Variants in SEMA3A observed in about 807,000 individuals in gnomAD.
SEMA3A encodes the protein semaphorin 3A, also known as semaphorin-3A.
Under a neutral mutation model 97.9 loss-of-function variants are expected in SEMA3A, and 29 were observed. The ratio of observed to expected loss-of-function variants is 0.30; its 90% CI spans 0.22 to 0.40. The LOEUF is 0.40. SEMA3A is among the 10% of genes least tolerant of loss of function. SEMA3A has a pLI of 1.00. For missense variants in SEMA3A, 763 were observed against 951.3 expected (o/e 0.80, Z 2.60); for synonymous variants, 321 against 323.7 (o/e 0.99, Z 0.09).
upstream of SEMA3A, among the ~76,000 whole-genome samples, chr7:84,200,047 T>C (rs192647818): frequency 1.7e-4 from 26 of 151,988 alleles, no homozygotes; most frequent in African/African-American, 6.3e-4. Flanking sequence ...AACTCTTCCC[T>C]CTCCCTTTGA....
chr7:84,462,624 T>C (rs1281009273), intron 1 of SEMA3A, among the ~76,000 whole-genome samples: 4 of 152,154 alleles, frequency 2.6e-5, no homozygotes, highest in Non-Finnish European at 4.4e-5. Context: ...TAGAGCTTTA[T>C]TTTGAGTGGA....
At chr7:84,011,568 A>G (rs1389375126) in intron 7 of SEMA3A, among the ~76,000 whole-genome samples, 1 of 152,138 alleles carries the variant, frequency 6.6e-6, no homozygotes, top group Non-Finnish European at 1.5e-5. Flanking sequence ...AAGTCAATTC[A>G]TGTTCATCTA....
At chr7:84,161,190 C>G (rs1797023200) in intron 1 of SEMA3A, among the ~76,000 whole-genome samples, 1 of 151,796 alleles carries the variant, frequency 6.6e-6, no homozygotes, top group South Asian at 2.1e-4. Flanking sequence ...ACGGTGAAAC[C>G]CTGTCTCTAC....
At chr7:84,379,480 A>G (rs541854088) in intron 1 of SEMA3A, among the ~76,000 whole-genome samples, 1 of 152,194 alleles carries the variant, frequency 6.6e-6, no homozygotes, top group African/African-American at 2.4e-5. Flanking sequence ...ATTCAAGAGT[A>G]AAATTCCAAA....
chr7:84,038,952 T>C (rs991654425), intron 6 of SEMA3A, among the ~76,000 whole-genome samples: 4 of 152,124 alleles, frequency 2.6e-5, no homozygotes, highest in Admixed American at 2.0e-4. Flanking sequence ...ATATTACATA[T>C]TCCTGATGTA....
chr7:84,193,331 G>T (rs1214446439), intron 1 of SEMA3A, among the ~76,000 whole-genome samples: 4 of 152,052 alleles, frequency 2.6e-5, no homozygotes, highest in Middle Eastern at 3.4e-3. Flanking sequence ...GAGAATTAAA[G>T]AATATGTTTT....
chr7:84,072,788 G>A (rs1793791745), intron 4 of SEMA3A, among the ~76,000 whole-genome samples: 2 of 152,016 alleles, frequency 1.3e-5, no homozygotes, highest in Admixed American at 1.3e-4. Flanking sequence ...TTATTTGTTA[G>A]CTATTTTCAT....
chr7:84,030,385 T>C (rs2116462268), intron 6 of SEMA3A, among the ~76,000 whole-genome samples: 1 of 152,300 alleles, frequency 6.6e-6, no homozygotes, highest in South Asian at 2.1e-4. Context: ...TTTTAGACAG[T>C]ATGCTTACTC....
At chr7:84,131,979 T>G (rs1435703936) in intron 2 of SEMA3A, among the ~76,000 whole-genome samples, 2 of 152,028 alleles carry the variant, frequency 1.3e-5, no homozygotes, top group East Asian at 3.9e-4. Context: ...ATTTATTTAT[T>G]TATGTATTTA....
intron 1 of SEMA3A, among the ~76,000 whole-genome samples, chr7:84,459,161 T>C (rs1408517329): frequency 2.6e-5 from 4 of 152,172 alleles, no homozygotes; most frequent in African/African-American, 9.7e-5. Flanking sequence ...CTTACTGTCA[T>C]GTTGCAGAGA....
intron 3 of SEMA3A, among the ~76,000 whole-genome samples, chr7:84,304,255 A>T (rs1305849287): frequency 6.6e-6 from 1 of 152,146 alleles, no homozygotes; most frequent in Non-Finnish European, 1.5e-5. Context: ...AGCAGGGGTC[A>T]GCAATTTTTT....
At chr7:84,265,612 C>T (rs138217499) in intron 3 of SEMA3A, among the ~76,000 whole-genome samples, 2,421 of 149,712 alleles carry the variant, frequency 0.016, 28 homozygotes, top group Non-Finnish European at 0.022. Flanking sequence ...CCCCATTAAC[C>T]AATATTTTGA....
At position 84,203,526 on chromosome 7, in the gene SEMA3A, A is replaced by ATTTTT. The variant is rs35519031; in HGVS notation, c.-82-8863_-82-8859dup. Among the ~76,000 whole-genome samples, 186 of 25,674 alleles carry ATTTTT rather than the reference A, an allele frequency of 7.2e-3. 16 individuals are homozygous for ATTTTT. Among genetic ancestry groups the ATTTTT allele is most frequent in the East Asian group, 0.025 (17 of 686 alleles). The allele number at this position is 25,674 out of a possible 152,430, so 16.8% of individuals were successfully genotyped here. ...TGTATATATATATATATATATATAT[A>ATTTTT]TTTTTTTTTTTTTTTTTTTTCTGAG... On this transcript the variant is annotated intron_variant, in intron 3 of 3. Coordinates refer to the SEMA3A transcript ENST00000424555.
intron 3 of SEMA3A, among the ~76,000 whole-genome samples, chr7:84,286,129 C>T (rs547900638): frequency 6.6e-6 from 1 of 152,174 alleles, no homozygotes; most frequent in South Asian, 2.1e-4. Context: ...TTTTAAAATT[C>T]ACCTTCTCTT....
chr7:84,048,543 AAC>A (rs1323111832), intron 5 of SEMA3A, among the ~76,000 whole-genome samples: 1 of 151,978 alleles, frequency 6.6e-6, no homozygotes, highest in Non-Finnish European at 1.5e-5. Context: ...GCATTGTCAA[AAC>A]ATCATGCAAA....
chr7:84,315,955 TTCTG>T (rs964809307), intron 2 of SEMA3A, among the ~76,000 whole-genome samples: 5 of 151,072 alleles, frequency 3.3e-5, no homozygotes, highest in African/African-American at 7.2e-5. Context: ...CTTTTTAAAA[TTCTG>T]TCTTTCTTCC....
At chr7:84,154,691 CAAAAAA>C in intron 1 of SEMA3A, among the ~76,000 whole-genome samples, 1 of 108,428 alleles carries the variant, frequency 9.2e-6, no homozygotes, top group East Asian at 2.6e-4. Context: ...AAAAAAAAAA[CAAAAAA>C]AAAAAACAAA....
At chr7:84,088,425 G>C (rs1794453421) in intron 4 of SEMA3A, among the ~76,000 whole-genome samples, 1 of 151,812 alleles carries the variant, frequency 6.6e-6, no homozygotes, top group Admixed American at 6.6e-5. Flanking sequence ...CTGCACTCCA[G>C]CCTGGGCTAC....
rs539024389 is a variant in SEMA3A at position 84,306,002 on chromosome 7, A to G, written c.-83+1205T>C. On this transcript the variant is annotated intron_variant, in intron 3 of 3. Coordinates refer to the SEMA3A transcript ENST00000424555. ...TAAATGTACATGTATGTATTAGAGA[A>G]GTGGTACTACAAGTCATTTTTGAGG... is the stretch of plus-strand genomic sequence containing the variant. Among the ~76,000 whole-genome samples, 3 of 151,844 alleles carry G rather than the reference A, an allele frequency of 2.0e-5. No individual in the cohort carries two copies. The East Asian group carries it at 5.8e-4, about 29-fold the overall frequency.
Sources: gnomAD v4.1 joint callset for allele counts (sites outside exome capture counted in the v4.1 genomes callset) on GRCh38, gnomAD v4.1.1 for gene constraint, MANE v1.5 for transcripts, NCBI Gene and HGNC (gene_info 2026-07-23, HGNC 2026-07-21) for gene names.